The following KCNH7 variants were observed in gnomAD, a reference collection of about 807,000 sequenced individuals.
The protein encoded by KCNH7 is voltage-gated inwardly rectifying potassium channel KCNH7.
A neutral mutation model predicts 120.8 loss-of-function variants in KCNH7; 49 were observed. That is an observed-to-expected ratio of 0.41 (90% CI 0.32 to 0.51). KCNH7 has a LOEUF of 0.51. Among genes scored for constraint, KCNH7 ranks in the 20% least tolerant of loss-of-function variants. KCNH7 has a pLI of 0.38. For missense variants in KCNH7, 1,097 were observed against 1,446.6 expected (o/e 0.76, Z 3.92); for synonymous variants, 547 against 516.1 (o/e 1.06, Z -0.81).
In KCNH7 at chr2:162,823,182, T is replaced by C. The variant is rs572846387; in HGVS notation, c.307+13355A>G. Reference sequence around the variant, plus strand: ...TGAGGAAGTTATTGAACTTCATCTTTTCAATTTGTAAATGAGAACAATAAA... The same window carrying C: ...TGAGGAAGTTATTGAACTTCATCTTCTCAATTTGTAAATGAGAACAATAAA... On this transcript the variant is annotated intron_variant, in intron 2 of 15. Transcript: ENST00000332142. 2.0e-5 allele frequency among the ~76,000 whole-genome samples: 3 copies of C among 152,166 alleles called. No individual in the cohort carries two copies. In the South Asian group the frequency reaches 6.2e-4, roughly 32 times the overall value.
intron 2 of KCNH7, among the ~76,000 whole-genome samples, chr2:162,639,255 C>T (rs753505862): frequency 6.6e-6 from 1 of 152,128 alleles, no homozygotes; most frequent in Admixed American, 6.6e-5. Flanking sequence ...TTACCTTGTG[C>T]TAATCATTTT....
intron 6 of KCNH7, among the ~76,000 whole-genome samples, chr2:162,482,728 A>G (rs1257158879): frequency 6.6e-6 from 1 of 152,188 alleles, no homozygotes; most frequent in African/African-American, 2.4e-5. Flanking sequence ...TTCCTACAGC[A>G]ATAGAACCTT....
chr2:162,626,484 A>G (rs1037295941), intron 2 of KCNH7, among the ~76,000 whole-genome samples: 1 of 152,156 alleles, frequency 6.6e-6, no homozygotes, highest in Non-Finnish European at 1.5e-5. Flanking sequence ...ACACTGATTT[A>G]TTTCCTGTGA....
rs534513389 is a variant in KCNH7, at chr2:162,766,784, G to A, written c.307+69753C>T. Among the ~76,000 whole-genome samples the A allele has an allele frequency of 1.3e-3, 195 of 151,792 alleles. 2 individuals are homozygous for A. The highest frequency in any genetic ancestry group is 1.4e-3 in the Non-Finnish European group (97 of 67,964). On this transcript the variant is annotated intron_variant, in intron 2 of 15. Coordinates refer to ENST00000332142, the MANE Select transcript of KCNH7 (RefSeq NM_033272.4). ...CTTTCCCAGCTGTAATGCAGAAACT[G>A]AGCTACTTCTCCAGAGAAGATTTGA... is the stretch of plus-strand genomic sequence containing the variant.
chr2:162,578,942 T>A lies in KCNH7; in HGVS notation c.308-41862A>T, dbSNP rs553532156. On this transcript the variant is annotated intron_variant, in intron 2 of 15. Coordinates refer to ENST00000332142, the MANE Select transcript of KCNH7 (RefSeq NM_033272.4). ...CAGATTTATGAGTTTTTTTTTTTAATCTGTGGCAAGGAAATCAATTGTATG... is the reference window on the plus strand; with the variant it reads ...CAGATTTATGAGTTTTTTTTTTTAAACTGTGGCAAGGAAATCAATTGTATG... Among the ~76,000 whole-genome samples, 6 of 151,702 alleles carry A rather than the reference T, an allele frequency of 4.0e-5. No individual in the cohort carries two copies. The East Asian group carries it at 1.2e-3, about 30-fold the overall frequency.
intron 7 of KCNH7, among the ~76,000 whole-genome samples, chr2:162,441,252 G>A (rs1371666775): frequency 2.6e-5 from 4 of 152,130 alleles, no homozygotes; most frequent in Non-Finnish European, 5.9e-5. Flanking sequence ...TATATTGGAT[G>A]TTTTAGAAAT....
chr2:162,548,200 G>A (rs1692544135), intron 2 of KCNH7, among the ~76,000 whole-genome samples: 1 of 152,206 alleles, frequency 6.6e-6, no homozygotes, highest in Non-Finnish European at 1.5e-5. Context: ...GCAGTGTCAT[G>A]TTTAGCATTG....
chr2:162,542,540 G>T (rs1209357672), intron 2 of KCNH7, among the ~76,000 whole-genome samples: 1 of 151,506 alleles, frequency 6.6e-6, no homozygotes, highest in Non-Finnish European at 1.5e-5. Flanking sequence ...TGAGAATGAT[G>T]ATTTCCAATT....
chr2:162,829,863 T>TC (rs397735736), intron 2 of KCNH7, among the ~76,000 whole-genome samples: 1 of 151,354 alleles, frequency 6.6e-6, no homozygotes, highest in Non-Finnish European at 1.5e-5. Flanking sequence ...TTTTTTTTTT[T>TC]CTAACTGCAT....
chr2:162,734,167 G>A (rs1328074006), intron 2 of KCNH7, among the ~76,000 whole-genome samples: 1 of 151,768 alleles, frequency 6.6e-6, no homozygotes, highest in Non-Finnish European at 1.5e-5. Flanking sequence ...TAATATGGTA[G>A]CATTTTTGAG....
intron 2 of KCNH7, among the ~76,000 whole-genome samples, chr2:162,665,984 G>T (rs1367682272): frequency 1.3e-5 from 2 of 152,112 alleles, no homozygotes; most frequent in Non-Finnish European, 2.9e-5. Context: ...CGATTCAAGG[G>T]TATAGAGAAA....
intron 2 of KCNH7, among the ~76,000 whole-genome samples, chr2:162,625,773 T>C (rs1220900025): frequency 1.3e-5 from 2 of 152,076 alleles, no homozygotes; most frequent in East Asian, 1.9e-4. Flanking sequence ...GTAGAAGCTA[T>C]AATAACAGGA....
chr2:162,539,114 A>G (rs1296684685), intron 2 of KCNH7, among the ~76,000 whole-genome samples: 2 of 152,114 alleles, frequency 1.3e-5, no homozygotes, highest in Non-Finnish European at 2.9e-5. Flanking sequence ...CATAGTTTCC[A>G]TGGTAACAAA....
At chr2:162,807,278 A>C (rs1034693229) in intron 2 of KCNH7, among the ~76,000 whole-genome samples, 9 of 150,308 alleles carry the variant, frequency 6.0e-5, no homozygotes, top group African/African-American at 2.2e-4. Context: ...AAAAAAAAAA[A>C]AAAAACAAAT....
intron 2 of KCNH7, among the ~76,000 whole-genome samples, chr2:162,620,476 T>C (rs1474952015): frequency 2.6e-5 from 4 of 152,006 alleles, no homozygotes; most frequent in African/African-American, 9.7e-5. Context: ...TTAGATTGCC[T>C]TTTTTGACCC....
intron 2 of KCNH7, among the ~76,000 whole-genome samples, chr2:162,807,182 G>A (rs551973336): frequency 3.3e-5 from 5 of 150,240 alleles, no homozygotes; most frequent in South Asian, 2.1e-4. Flanking sequence ...AGGCCAAGGC[G>A]GGTGGATCAC....
intron 2 of KCNH7, among the ~76,000 whole-genome samples, chr2:162,582,868 A>C (rs1418294596): frequency 6.6e-6 from 1 of 152,072 alleles, no homozygotes; most frequent in Non-Finnish European, 1.5e-5. Flanking sequence ...ATGATCATTG[A>C]TTTGGATATT....
intron 2 of KCNH7, among the ~76,000 whole-genome samples, chr2:162,689,604 T>C (rs1686029714): frequency 6.6e-6 from 1 of 152,196 alleles, no homozygotes; most frequent in East Asian, 1.9e-4. Context: ...TTTTTTTCTG[T>C]GAAAATGTAT....
intron 2 of KCNH7, among the ~76,000 whole-genome samples, chr2:162,691,362 TG>T (rs1280578430): frequency 6.6e-6 from 1 of 152,190 alleles, no homozygotes; most frequent in East Asian, 1.9e-4. Flanking sequence ...CTAAATTTTT[TG>T]TAACCTGTGG....
Sources: allele counts gnomAD v4.1 joint callset (sites outside exome capture counted in the v4.1 genomes callset), GRCh38; gene constraint gnomAD v4.1.1; transcripts MANE v1.5; gene names NCBI Gene and HGNC (gene_info 2026-07-23, HGNC 2026-07-21).